Variants in GRIN3B observed in about 807,000 individuals in gnomAD.
GRIN3B encodes glutamate ionotropic receptor NMDA type subunit 3B, also known as glutamate receptor ionotropic, NMDA 3B.
In GRIN3B, 77 loss-of-function variants were observed where a neutral mutation model predicts 66.0. The observed-to-expected ratio is 1.17, with a 90% CI of 0.97 to 1.41. GRIN3B has a LOEUF of 1.41. Among genes scored for constraint, GRIN3B ranks in the 40% most tolerant of loss-of-function variants. The pLI is 0.00. For missense variants in GRIN3B, 1,787 were observed against 1,564.5 expected (o/e 1.14, Z -2.40); for synonymous variants, 823 against 749.7 (o/e 1.10, Z -1.60).
In GRIN3B at chr19:1,004,897, G is replaced by A. The variant is rs964135310; in HGVS notation, c.1396G>A (p.Gly466Ser). Residue 466 changes from glycine to serine, a missense_variant, in exon 3 of 9, where the codon GGC becomes AGC. Coordinates refer to ENST00000234389, the MANE Select transcript of GRIN3B (RefSeq NM_138690.3). The stretch of plus-strand genomic sequence containing the variant: ...CGCACTGTTCGCCGCGCTGGCCAAC[G>A]GCTCAGCGCCCCGTGCCCTGCGCAA... ...LDALFAALAN[G>S]SAPRALRKCC... 5.6e-6 allele frequency: 9 copies of A among 1,610,550 alleles called. No individual in the cohort carries two copies. The highest frequency in any genetic ancestry group is 2.7e-5 in the African/African-American group (2 of 74,874).
At position 1,008,248 on chromosome 19, in the gene GRIN3B, A is replaced by G; in HGVS notation, c.2423A>G (p.Tyr808Cys). Reference protein sequence around the residue: ...GFIDLLHDKWYKMVPCGKRVF... With the variant: ...GFIDLLHDKWCKMVPCGKRVF... ...ATCGACCTGCTCCACGACAAGTGGTACAAGATGGTGCCTTGCGGCAAGCGG... is the reference window on the plus strand; with the variant it reads ...ATCGACCTGCTCCACGACAAGTGGTGCAAGATGGTGCCTTGCGGCAAGCGG... The change falls in exon 6 of 9, where the codon TAC becomes TGC. Residue 808 changes from tyrosine (Y) to cysteine (C), a missense_variant. Transcript: ENST00000234389. 6 of 1,584,742 alleles carry G rather than the reference A, an allele frequency of 3.8e-6. No individual in the cohort carries two copies. The highest frequency in any genetic ancestry group is 1.1e-5 in the South Asian group (1 of 90,418).
chr19:1,005,835 T>A lies in GRIN3B; in HGVS notation c.2052+282T>A, dbSNP rs116977028. Among the ~76,000 whole-genome samples the A allele has an allele frequency of 0.083, 12,573 of 151,778 alleles. 667 individuals carry two copies. The highest frequency in any genetic ancestry group is 0.12 in the Non-Finnish European group (8,381 of 67,920). On this transcript the variant is annotated intron_variant, in intron 3 of 8. Transcript: ENST00000234389. This position sits in a 1 kb window ranked among gnomAD's most constrained non-coding sequence, Gnocchi z 5.2. The stretch of plus-strand genomic sequence containing the variant: ...TGGCCAACATGGTGAAACCCCATCT[T>A]TACTAAAAAATACAAAGAATTAGCT...
At position 1,005,081 on chromosome 19, in the gene GRIN3B, T is replaced by G; in HGVS notation, c.1580T>G (p.Met527Arg). ...VGDLLAGRAH[M>R]AVTSFSINSA... Reference sequence around the variant, plus strand: ...GACCTGCTGGCCGGCCGGGCCCACATGGCGGTCACCAGCTTCAGTATCAAC... The same window carrying G: ...GACCTGCTGGCCGGCCGGGCCCACAGGGCGGTCACCAGCTTCAGTATCAAC... Residue 527 changes from methionine to arginine, a missense_variant, in exon 3 of 9, where the codon ATG (methionine) becomes AGG (arginine). Coordinates refer to ENST00000234389, the MANE Select transcript of GRIN3B (RefSeq NM_138690.3). The surrounding 1 kb of genome is among the most constrained non-coding windows in gnomAD (Gnocchi z 5.2). 6.2e-7 allele frequency: 1 copy of G among 1,611,964 alleles called. No homozygotes were observed. Among genetic ancestry groups the G allele is most frequent in the Non-Finnish European group, 8.5e-7 (1 of 1,179,306 alleles).
chr19:1,007,778 G>C lies in GRIN3B; in HGVS notation c.2198+5G>C. 6.6e-7 allele frequency: 1 copy of C among 1,514,276 alleles called. No individual in the cohort carries two copies. Among genetic ancestry groups the C allele is most frequent in the Admixed American group, 2.2e-5 (1 of 46,014 alleles). 93.8% of individuals were successfully genotyped at this position (1,514,276 alleles called of 1,614,324 possible). On this transcript the variant is annotated splice_donor_5th_base_variant and intron_variant, in intron 4 of 8. Transcript: ENST00000234389. The surrounding 1 kb of genome is among the most constrained non-coding windows in gnomAD (Gnocchi z 4.4). ...CCGCGGCGTCGCCATGCTCACGTGA[G>C]CCCGGGCGCGGGGTGAGGCGGGGGC...
Position 1,003,439 on chromosome 19 carries a change from C to T in GRIN3B, c.736C>T (p.Arg246Cys), listed in dbSNP as rs776143887. The change falls in exon 2 of 9, where the codon CGT becomes TGT. Residue 246 changes from arginine to cysteine, a missense_variant. By Grantham distance (180) the Arg-to-Cys change is radical. Transcript: ENST00000234389. The part of the protein sequence containing the change: ...VLLGCDIARA[R>C]RVLEAVPPGP... ...CCTCGGCTGTGACATCGCCCGTGCC[C>T]GTCGGGTGCTGGAGGCCGTACCTCC... 73 of 1,541,184 alleles carry T rather than the reference C, an allele frequency of 4.7e-5. No individual in the cohort carries two copies. The highest frequency in any genetic ancestry group is 3.5e-4 in the Admixed American group (18 of 51,240).
chr19:1,001,559 G>A (rs980200431), intron 1 of GRIN3B, among the ~76,000 whole-genome samples: 3 of 151,928 alleles, frequency 2.0e-5, no homozygotes, highest in African/African-American at 7.3e-5. Context: ...CCCCCCAACA[G>A]GGCTCACTGC....
intron 2 of GRIN3B, 103 bp downstream of exon 2, chr19:1,003,825 G>C (rs12972813): frequency 0.023 from 21,071 of 897,632 alleles, 320 homozygotes; most frequent in Non-Finnish European, 0.027. Flanking sequence ...GGTGGCTCAC[G>C]CCTGTAATCC....
At chr19:1,006,212 G>A (rs753657732) in intron 3 of GRIN3B, among the ~76,000 whole-genome samples, 1 of 151,532 alleles carries the variant, frequency 6.6e-6, no homozygotes, top group Non-Finnish European at 1.5e-5. Context: ...GCAGTGGCAC[G>A]ATCTTGGCTC....
chr19:1,001,936 C>T (rs1433896978), intron 1 of GRIN3B: 1 of 152,310 alleles, frequency 6.6e-6, no homozygotes, highest in Non-Finnish European at 1.5e-5. Flanking sequence ...GAGCCCCATC[C>T]CAAGCCCATC....
chr19:1,004,954 G>A lies in GRIN3B; in HGVS notation c.1453G>A (p.Glu485Lys), dbSNP rs558873297. The A allele has an allele frequency of 6.2e-7, 1 of 1,611,870 alleles. No homozygotes were observed. The highest frequency in any genetic ancestry group is 2.2e-5 in the East Asian group (1 of 44,870). The change falls in exon 3 of 9, where the codon GAG (glutamate) becomes AAG (lysine). Residue 485 changes from glutamate (E) to lysine (K), a missense_variant. By Grantham distance (56) the Glu-to-Lys change is moderately conservative. Coordinates refer to ENST00000234389, the MANE Select transcript of GRIN3B (RefSeq NM_138690.3). ...CCYGYCIDLLERLAEDTPFDF... is the reference protein window; with the variant it reads ...CCYGYCIDLLKRLAEDTPFDF... Reference sequence around the variant, plus strand: ...CTACGGCTACTGCATTGACCTGCTGGAGCGGCTGGCGGAGGACACGCCCTT... The same window carrying A: ...CTACGGCTACTGCATTGACCTGCTGAAGCGGCTGGCGGAGGACACGCCCTT...
rs781479495 is a variant in GRIN3B, at chr19:1,005,084, C to A, written c.1583C>A (p.Ala528Glu). ...CTGCTGGCCGGCCGGGCCCACATGGCGGTCACCAGCTTCAGTATCAACTCC... is the reference window on the plus strand; with the variant it reads ...CTGCTGGCCGGCCGGGCCCACATGGAGGTCACCAGCTTCAGTATCAACTCC... ...GDLLAGRAHM[A>E]VTSFSINSAR... is the part of the protein sequence containing the mutation. Residue 528 changes from alanine (A) to glutamate (E), a missense_variant, in exon 3 of 9, where the codon GCG (alanine) becomes GAG (glutamate). By Grantham distance (107) the Ala-to-Glu change is moderately radical (BLOSUM62 -1). Transcript: ENST00000234389. The surrounding 1 kb of genome is among the most constrained non-coding windows in gnomAD (Gnocchi z 5.2). 1.2e-6 allele frequency: 2 copies of A among 1,611,856 alleles called. No homozygotes were observed. The highest frequency in any genetic ancestry group is 1.7e-5 in the Admixed American group (1 of 59,970).
In GRIN3B at chr19:1,008,927, G is replaced by A; in HGVS notation, c.2702G>A (p.Ser901Asn). 1 of 1,605,020 alleles carries A rather than the reference G, an allele frequency of 6.2e-7. No individual in the cohort carries two copies. Residue 901 changes from serine to asparagine, a missense_variant and splice_region_variant, in exon 8 of 9, where the codon AGC becomes AAC. Coordinates refer to ENST00000234389, the MANE Select transcript of GRIN3B (RefSeq NM_138690.3). ...SKEETAEAEP[S>N]GPEVEQQQQQ... ...GAGGAGACGGCAGAGGCGGAGCCCA[G>A]GTAAGTGGTGGTCGGGGCGGACCAC...
chr19:1,000,931 A>G (rs2038679055), intron 1 of GRIN3B, 68 bp downstream of exon 1: 3 of 1,316,696 alleles, frequency 2.3e-6, no homozygotes, highest in South Asian at 1.9e-5. Context: ...AGCCCTGGGG[A>G]CGTCCGGAGT....
rs529697416 is a variant in GRIN3B, at chr19:1,005,180, G to A, written c.1679G>A (p.Arg560Gln). Reference protein sequence around the residue: ...STSLGIMVRARDTASPIGAFM... With the variant: ...STSLGIMVRAQDTASPIGAFM... ...AGCCTGGGCATCATGGTGCGGGCAC[G>A]GGACACGGCCTCACCCATCGGTGCC... The change falls in exon 3 of 9, where the codon CGG becomes CAG. Residue 560 changes from arginine (R) to glutamine (Q), a missense_variant. Transcript: ENST00000234389. The surrounding 1 kb of genome is among the most constrained non-coding windows in gnomAD (Gnocchi z 5.2). The A allele has an allele frequency of 5.6e-5, 90 of 1,613,520 alleles. 2 individuals carry two copies. The South Asian group carries it at 7.1e-4, about 13-fold the overall frequency.
chr19:1,007,813 G>A lies in GRIN3B; in HGVS notation c.2198+40G>A, dbSNP rs2038771355. The A allele has an allele frequency of 6.5e-7, 1 of 1,539,218 alleles. No homozygotes were observed. Among genetic ancestry groups the A allele is most frequent in the Non-Finnish European group, 8.8e-7 (1 of 1,142,054 alleles). ...GGGGTGAGGCGGGGGCGGGGCGTGG[G>A]GTGGGCGGGGCGATGGCTGACCCCC... On this transcript the variant is annotated intron_variant, in intron 4 of 8. Transcript: ENST00000234389. This position sits in a 1 kb window ranked among gnomAD's most constrained non-coding sequence, Gnocchi z 4.4.
chr19:1,008,580 T>C, intron 6 of GRIN3B, 38 bp from the exon 7 acceptor site: 1 of 1,579,852 alleles, frequency 6.3e-7, no homozygotes, highest in Non-Finnish European at 8.6e-7. Flanking sequence ...GGCCTGCCAT[T>C]ACGTGACCGT....
chr19:1,008,776 C>G lies in GRIN3B; in HGVS notation c.2625C>G (p.Thr875=). The change falls in exon 7 of 9, where the codon ACC becomes ACG. Residue 875 remains threonine (T), a synonymous_variant. Coordinates refer to ENST00000234389, the MANE Select transcript of GRIN3B (RefSeq NM_138690.3). ...KGSRLQYWLH[T]SQKIHRALNT... is the part of the protein sequence containing the mutation. ...GCAGGCTGCAGTACTGGCTGCACACCAGCCAGGTGGGGAGCGGGTGGGCGG... is the reference window on the plus strand; with the variant it reads ...GCAGGCTGCAGTACTGGCTGCACACGAGCCAGGTGGGGAGCGGGTGGGCGG... 1 of 1,602,056 alleles carries G rather than the reference C, an allele frequency of 6.2e-7. No homozygotes were observed. The highest frequency in any genetic ancestry group is 8.5e-7 in the Non-Finnish European group (1 of 1,175,144).
Position 1,004,694 on chromosome 19 carries a change from C to A in GRIN3B, c.1193C>A (p.Pro398Gln), listed in dbSNP as rs768071466. ...SWRDGQLDLE[P>Q]GGASARPPPP... ...CGGGACGGCCAGCTGGACTTGGAAC[C>A]GGGAGGTGCCTCTGCACGGCCCCCG... is the stretch of plus-strand genomic sequence containing the variant. Residue 398 changes from proline to glutamine, a missense_variant, in exon 3 of 9, where the codon CCG becomes CAG. By Grantham distance (76) the Pro-to-Gln change is moderately conservative. Coordinates refer to ENST00000234389, the MANE Select transcript of GRIN3B (RefSeq NM_138690.3). 1 of 1,602,132 alleles carries A rather than the reference C, an allele frequency of 6.2e-7. No homozygotes were observed. The highest frequency in any genetic ancestry group is 8.5e-7 in the Non-Finnish European group (1 of 1,174,192).
chr19:1,001,784 C>G lies in GRIN3B; in HGVS notation c.426+921C>G, dbSNP rs151118000. 6.8e-3 allele frequency among the ~76,000 whole-genome samples: 1,038 copies of G among 152,224 alleles called. 16 individuals are homozygous for G. Among genetic ancestry groups the G allele is most frequent in the Non-Finnish European group, 6.3e-3 (426 of 67,970 alleles). On this transcript the variant is annotated intron_variant, in intron 1 of 8. Transcript: ENST00000234389. ...GTCAAGGGGACCCCTGTCCCCCCAC[C>G]GCCCTAGGGCTGGTGGGAGAGGCGG...
Sources: gnomAD v4.1 joint callset for allele counts (sites outside exome capture counted in the v4.1 genomes callset) on GRCh38, gnomAD v4.1.1 for gene constraint, Gnocchi (gnomAD v3.1) non-coding constraint, MANE v1.5 for transcripts, NCBI Gene and HGNC (gene_info 2026-07-23, HGNC 2026-07-21) for gene names.